The following SH2B3 variants were observed in gnomAD, a reference collection of about 807,000 sequenced individuals.
The protein encoded by SH2B3 is SH2B adapter protein 3.
A neutral mutation model predicts 51.9 loss-of-function variants in SH2B3; 43 were observed. That is an observed-to-expected ratio of 0.83 (90% CI 0.65 to 1.07). The LOEUF (loss-of-function observed/expected upper bound fraction) is 1.07, where lower values mean the gene tolerates loss of function less well. SH2B3 is among the 50% of genes least tolerant of loss of function. SH2B3 has a pLI of 0.00. For synonymous variants in SH2B3, 396 were observed against 376.0 expected, an observed-to-expected ratio of 1.05 and a Z score of -0.62; for missense variants, 952 against 834.3, an observed-to-expected ratio of 1.14 and a Z score of -1.74.
At position 111,429,779 on chromosome 12, in the gene SH2B3, C is replaced by T. The variant is rs896376086; in HGVS notation, c.732+10902C>T. Among the ~76,000 whole-genome samples the T allele has an allele frequency of 6.6e-6, 1 of 152,158 alleles. No homozygotes were observed. The highest frequency in any genetic ancestry group is 6.5e-5 in the Admixed American group (1 of 15,278). On this transcript the variant is annotated intron_variant, in intron 2 of 7. Coordinates refer to ENST00000341259, the MANE Select transcript of SH2B3 (RefSeq NM_005475.3). This position sits in a 1 kb window ranked among gnomAD's most constrained non-coding sequence, Gnocchi z 4.4. Reference sequence around the variant, plus strand: ...GCACAGAGAGGTCCAGAAACTTGCCCGAGGCCCCAGAGCTGGTAGGTGGCC... The same window carrying T: ...GCACAGAGAGGTCCAGAAACTTGCCTGAGGCCCCAGAGCTGGTAGGTGGCC...
Position 111,446,692 on chromosome 12 carries a change from G to A in SH2B3, c.733-61G>A, listed in dbSNP as rs569648564. 8.6e-5 allele frequency: 80 copies of A among 931,470 alleles called. No homozygotes were observed. In the Admixed American group the frequency reaches 2.1e-3, roughly 25 times the overall value. The allele number at this position is 931,470 out of a possible 1,614,324, so 57.7% of individuals were successfully genotyped here. A position where few individuals can be genotyped will look rare whatever the true frequency, so the allele number is the denominator to read the frequency against. ...CCTGGGGAGACTATAGACAAACTCA[G>A]GCCTGGCTGGAAGAAAGAGCATCAG... On this transcript the variant is annotated intron_variant, in intron 2 of 7. Coordinates refer to ENST00000341259, the MANE Select transcript of SH2B3 (RefSeq NM_005475.3).
intron 2 of SH2B3, among the ~76,000 whole-genome samples, chr12:111,445,148 A>G (rs1873805384): frequency 6.6e-6 from 1 of 152,172 alleles, no homozygotes; most frequent in South Asian, 2.1e-4. Flanking sequence ...CAGCACTGAC[A>G]CTGGGGACTA....
At position 111,418,876 on chromosome 12, in the gene SH2B3, A is replaced by T; in HGVS notation, c.731A>T (p.Lys244Met). The part of the protein sequence containing the change: ...DRVLELFDPP[K>M]SSRPKLQAAC... ...GTGCTGGAGCTCTTCGACCCACCCA[A>T]GGTAAGTAAGCCCTGCCCGCGGGGT... Residue 244 changes from lysine (K) to methionine (M), a missense_variant and splice_region_variant, in exon 2 of 8, where the codon AAG becomes ATG. Coordinates refer to ENST00000341259, the MANE Select transcript of SH2B3 (RefSeq NM_005475.3). The surrounding 1 kb of genome is among the most constrained non-coding windows in gnomAD (Gnocchi z 6.7). 16 of 1,404,768 alleles carry T rather than the reference A, an allele frequency of 1.1e-5. No homozygotes were observed. The highest frequency in any genetic ancestry group is 1.5e-5 in the Non-Finnish European group (16 of 1,092,772). The allele number at this position is 1,404,768 out of a possible 1,614,324, so 87.0% of individuals were successfully genotyped here.
intron 1 of SH2B3, among the ~76,000 whole-genome samples, chr12:111,414,604 AC>A (rs1372896173): frequency 8.6e-5 from 13 of 151,772 alleles, no homozygotes; most frequent in African/African-American, 2.4e-4. Context: ...AAAAAAAAAA[AC>A]ATTGTCGACT....
Position 111,429,039 on chromosome 12 carries a change from G to A in SH2B3, c.732+10162G>A, listed in dbSNP as rs969070653. 1.4e-5 allele frequency among the ~76,000 whole-genome samples: 2 copies of A among 147,322 alleles called. No homozygotes were observed. The highest frequency in any genetic ancestry group is 4.9e-5 in the African/African-American group (2 of 40,924). On this transcript the variant is annotated intron_variant, in intron 2 of 7. Transcript: ENST00000341259. This position sits in a 1 kb window ranked among gnomAD's most constrained non-coding sequence, Gnocchi z 4.4. The stretch of plus-strand genomic sequence containing the variant: ...GCGAGGAGGAGGAGGAGGAGGAGGA[G>A]GAGGAGGAAGAGGAGGAGGAGGAGG...
rs1036391018 is a variant in SH2B3, at chr12:111,407,376, G to A, written c.-28+1099G>A. Among the ~76,000 whole-genome samples the A allele has an allele frequency of 3.3e-5, 5 of 152,342 alleles. No homozygotes were observed. Among genetic ancestry groups the A allele is most frequent in the African/African-American group, 1.2e-4 (5 of 41,568 alleles). ...GAGATCTGACCCGCAGCCCCTCGCC[G>A]GGGAGATGACAGTTCCCTAACACCG... is the stretch of plus-strand genomic sequence containing the variant. On this transcript the variant is annotated intron_variant, in intron 1 of 7. Transcript: ENST00000341259. The surrounding 1 kb of genome is among the most constrained non-coding windows in gnomAD (Gnocchi z 4.3).
In SH2B3 at chr12:111,447,803, G is replaced by GT; in HGVS notation, c.1385dup (p.Val463GlyfsTer40). 6.2e-7 allele frequency: 1 copy of GT among 1,614,050 alleles called. No homozygotes were observed. The highest frequency in any genetic ancestry group is 8.5e-7 in the Non-Finnish European group (1 of 1,179,980). On this transcript the variant is annotated frameshift_variant, in exon 7 of 8. Transcript: ENST00000341259. LOFTEE classifies it high-confidence loss of function. ...CTGTGATGTCCGGCTCTCCAGCTAC[G>GT]TGGTAGTCGTCTCCCAACCACCAGG... is the stretch of plus-strand genomic sequence containing the variant.
chr12:111,425,903 G>A (rs1409594225), intron 2 of SH2B3, among the ~76,000 whole-genome samples: 6 of 152,140 alleles, frequency 3.9e-5, no homozygotes, highest in African/African-American at 1.2e-4. Context: ...TCGGGCTCAC[G>A]ACCGACACTC....
intron 2 of SH2B3, among the ~76,000 whole-genome samples, chr12:111,437,954 C>G (rs1405015786): frequency 6.6e-6 from 1 of 152,252 alleles, no homozygotes; most frequent in Non-Finnish European, 1.5e-5. Flanking sequence ...CCACCCCAAC[C>G]CCAAGAGGAA....
chr12:111,439,188 T>C (rs1873171027), intron 2 of SH2B3, among the ~76,000 whole-genome samples: 1 of 152,154 alleles, frequency 6.6e-6, no homozygotes, highest in South Asian at 2.1e-4. Flanking sequence ...TCGCTTTTGT[T>C]GCCCAGGCTG....
At chr12:111,428,643 A>T (rs964233259) in intron 2 of SH2B3, among the ~76,000 whole-genome samples, 10 of 152,080 alleles carry the variant, frequency 6.6e-5, no homozygotes, top group African/African-American at 2.4e-4. Flanking sequence ...CCCCCAAGAG[A>T]TAGCACAGGA....
chr12:111,427,377 C>G lies in SH2B3; in HGVS notation c.732+8500C>G, dbSNP rs1364454320. Among the ~76,000 whole-genome samples the G allele has an allele frequency of 8.5e-5, 11 of 129,264 alleles. No homozygotes were observed. In the Admixed American group the frequency reaches 9.6e-4, roughly 11 times the overall value. 84.8% of individuals were successfully genotyped at this position (129,264 alleles called of 152,430 possible). On this transcript the variant is annotated intron_variant, in intron 2 of 7. Transcript: ENST00000341259. ...CTCCAGCCTGGGCGACAGAGCAAGA[C>G]TCCATCTCAGGAAAAAAAAAAAAAA...
intron 2 of SH2B3, among the ~76,000 whole-genome samples, chr12:111,425,709 G>A (rs1177877967): frequency 6.6e-6 from 1 of 152,160 alleles, no homozygotes; most frequent in Non-Finnish European, 1.5e-5. Context: ...GCGGGTGGGA[G>A]TGGGTGCAAG....
At position 111,429,056 on chromosome 12, in the gene SH2B3, A is replaced by AG. The variant is rs1332255572; in HGVS notation, c.732+10181dup. On this transcript the variant is annotated intron_variant, in intron 2 of 7. Transcript: ENST00000341259. The surrounding 1 kb of genome is among the most constrained non-coding windows in gnomAD (Gnocchi z 4.4). ...GAGGAGGAGGAGGAGGAAGAGGAGG[A>AG]GGAGGAGGAGGAGGGACGGCAGGAA... Among the ~76,000 whole-genome samples, 1 of 150,914 alleles carries AG rather than the reference A, an allele frequency of 6.6e-6. No individual in the cohort carries two copies. The highest frequency in any genetic ancestry group is 2.0e-4 in the East Asian group (1 of 5,118).
intron 2 of SH2B3, among the ~76,000 whole-genome samples, chr12:111,446,348 A>G (rs745739397): frequency 1.3e-5 from 2 of 152,226 alleles, no homozygotes; most frequent in African/African-American, 2.4e-5. Context: ...TACAGTGGCT[A>G]TAACTTAGGC....
At chr12:111,430,935 G>A (rs1565978538) in intron 2 of SH2B3, among the ~76,000 whole-genome samples, 1 of 151,180 alleles carries the variant, frequency 6.6e-6, no homozygotes, top group Non-Finnish European at 1.5e-5. Flanking sequence ...GGCCCCATTG[G>A]CGCTGCTGGA....
Position 111,407,315 on chromosome 12 carries a change from A to G in SH2B3, c.-28+1038A>G, listed in dbSNP as rs1053444755. ...TCAGAGCAGAGGCCCCGGCAAGGCA[A>G]TGTCGGCAAGGCCAGCTTTGGTGGC... is the stretch of plus-strand genomic sequence containing the variant. On this transcript the variant is annotated intron_variant, in intron 1 of 7. Coordinates refer to ENST00000341259, the MANE Select transcript of SH2B3 (RefSeq NM_005475.3). This position sits in a 1 kb window ranked among gnomAD's most constrained non-coding sequence, Gnocchi z 4.3. Among the ~76,000 whole-genome samples, 6 of 152,056 alleles carry G rather than the reference A, an allele frequency of 3.9e-5. No homozygotes were observed. Among genetic ancestry groups the G allele is most frequent in the South Asian group, 4.1e-4 (2 of 4,832 alleles).
chr12:111,405,983 A>G lies in SH2B3; in HGVS notation c.-322A>G, dbSNP rs2135526277. 6.6e-6 allele frequency: 1 copy of G among 151,506 alleles called. No individual in the cohort carries two copies. Among genetic ancestry groups the G allele is most frequent in the East Asian group, 1.9e-4 (1 of 5,136 alleles). 9.4% of individuals were successfully genotyped at this position (151,506 alleles called of 1,614,324 possible). A position where few individuals can be genotyped will look rare whatever the true frequency, so the allele number is the denominator to read the frequency against. On this transcript the variant is annotated 5_prime_UTR_variant, in exon 1 of 8. Transcript: ENST00000341259. This position sits in a 1 kb window ranked among gnomAD's most constrained non-coding sequence, Gnocchi z 5.4. The stretch of plus-strand genomic sequence containing the variant: ...CGCCTCCGCCCGGCTGCCCGCCCGG[A>G]CTGTCGCGGCCCGCGGTGGCGACGG...
At chr12:111,423,142 A>G (rs1250020212) in intron 2 of SH2B3, among the ~76,000 whole-genome samples, 2 of 152,170 alleles carry the variant, frequency 1.3e-5, no homozygotes, top group Non-Finnish European at 2.9e-5. Flanking sequence ...GGGAGCAGAG[A>G]GAGGGAGATG....
Sources: allele counts gnomAD v4.1 joint callset (sites outside exome capture counted in the v4.1 genomes callset), GRCh38; gene constraint gnomAD v4.1.1; non-coding constraint Gnocchi (gnomAD v3.1); transcripts MANE v1.5; gene names NCBI Gene and HGNC (gene_info 2026-07-23, HGNC 2026-07-21).